UNC79: variants seen among roughly 807,000 people sequenced by gnomAD.
UNC79 encodes unc-79 subunit of NALCN channel complex.
Under a neutral mutation model 283.1 loss-of-function variants are expected in UNC79, and 37 were observed. The ratio of observed to expected loss-of-function variants is 0.13; its 90% CI spans 0.10 to 0.17. The LOEUF is 0.17. Among genes scored for constraint, UNC79 ranks in the 10% least tolerant of loss-of-function variants. UNC79 has a pLI of 1.00. For missense variants in UNC79, 2,272 were observed against 3,211.1 expected (o/e 0.71, Z 7.07); for synonymous variants, 1,107 against 1,200.2 (o/e 0.92, Z 1.61).
intron 38 of UNC79, among the ~76,000 whole-genome samples, chr14:93,658,227 A>G (rs1038945655): frequency 2.0e-5 from 3 of 152,150 alleles, no homozygotes; most frequent in South Asian, 4.1e-4. Flanking sequence ...GAAACCTTCT[A>G]TAGTTTGTTT....
intron 5 of UNC79, among the ~76,000 whole-genome samples, chr14:93,489,483 A>G (rs1437585038): frequency 1.3e-5 from 2 of 152,254 alleles, no homozygotes; most frequent in Non-Finnish European, 2.9e-5. Context: ...TGCCTCCAAT[A>G]TACAATGGTT....
chr14:93,605,816 A>G (rs2065846799), intron 26 of UNC79, among the ~76,000 whole-genome samples: 1 of 152,164 alleles, frequency 6.6e-6, no homozygotes, highest in African/African-American at 2.4e-5. Flanking sequence ...GTGGGAGGGG[A>G]GAGAGAAAAT....
intron 39 of UNC79, 48 bp from the exon 43 acceptor site, chr14:93,662,556 A>T: frequency 7.9e-7 from 1 of 1,264,262 alleles, no homozygotes; most frequent in Non-Finnish European, 1.1e-6. Context: ...CTTTTTTTGA[A>T]ATGAAGTAAT....
chr14:93,587,186 A>G (rs909955943), intron 22 of UNC79, among the ~76,000 whole-genome samples: 1 of 152,200 alleles, frequency 6.6e-6, no homozygotes, highest in Non-Finnish European at 1.5e-5. Context: ...TTAAGAATAT[A>G]GAAAATATAG....
Position 93,621,519 on chromosome 14 carries a change from G to T in UNC79, c.4388-102G>T, listed in dbSNP as rs2067132404. On this transcript the variant is annotated intron_variant, in intron 29 of 48. Transcript: ENST00000555664. The surrounding 1 kb of genome is among the most constrained non-coding windows in gnomAD (Gnocchi z 4.8). Reference sequence around the variant, plus strand: ...TTCGTTTTCCCTCCTGGTGGAGCTGGGATTGTGATGATGATTTATGCCAAT... The same window carrying T: ...TTCGTTTTCCCTCCTGGTGGAGCTGTGATTGTGATGATGATTTATGCCAAT... 3.8e-6 allele frequency: 5 copies of T among 1,333,194 alleles called. No individual in the cohort carries two copies. Among genetic ancestry groups the T allele is most frequent in the Admixed American group, 2.7e-5 (1 of 36,638 alleles). The allele number at this position is 1,333,194 out of a possible 1,614,324, so 82.6% of individuals were successfully genotyped here.
At chr14:93,593,258 G>T (rs902003491) in intron 22 of UNC79, among the ~76,000 whole-genome samples, 13 of 152,132 alleles carry the variant, frequency 8.5e-5, no homozygotes, top group African/African-American at 3.1e-4. Context: ...GTTATTAAGA[G>T]AAAAAGAGTT....
chr14:93,684,191 A>G (rs1055369248), intron 42 of UNC79, among the ~76,000 whole-genome samples: 2 of 151,980 alleles, frequency 1.3e-5, no homozygotes, highest in Non-Finnish European at 2.9e-5. Context: ...TTTGACTAAT[A>G]CCTCCCCATT....
At chr14:93,493,257 G>A (rs1040775577) in intron 5 of UNC79, among the ~76,000 whole-genome samples, 7 of 152,096 alleles carry the variant, frequency 4.6e-5, no homozygotes, top group Non-Finnish European at 7.4e-5. Flanking sequence ...TGAGACTGAA[G>A]GATCAGTGTA....
intron 1 of UNC79, among the ~76,000 whole-genome samples, chr14:93,353,783 T>C (rs1245818174): frequency 1.3e-5 from 2 of 152,222 alleles, no homozygotes; most frequent in East Asian, 3.9e-4. Context: ...CACTGTACAC[T>C]GTGCTAGGAA....
chr14:93,503,309 G>A (rs1012346656), intron 7 of UNC79, among the ~76,000 whole-genome samples: 2 of 151,982 alleles, frequency 1.3e-5, no homozygotes, highest in Non-Finnish European at 2.9e-5. Flanking sequence ...TATTATTAGT[G>A]GACTTTTGGA....
At chr14:93,556,205 T>C (rs556916456) in intron 14 of UNC79, among the ~76,000 whole-genome samples, 16 of 152,190 alleles carry the variant, frequency 1.1e-4, no homozygotes, top group Non-Finnish European at 1.8e-4. Context: ...TCAACTAGTC[T>C]GCTCTGTAAT....
intron 30 of UNC79, among the ~76,000 whole-genome samples, chr14:93,627,097 A>G (rs747359848): frequency 2.6e-5 from 4 of 152,034 alleles, no homozygotes; most frequent in Non-Finnish European, 5.9e-5. Flanking sequence ...CATTCCTACT[A>G]TTTCACCCAA....
intron 23 of UNC79, among the ~76,000 whole-genome samples, chr14:93,594,089 G>A (rs1285293199): frequency 6.6e-6 from 1 of 152,162 alleles, no homozygotes; most frequent in Non-Finnish European, 1.5e-5. Flanking sequence ...TTACCCAAGT[G>A]TAGCGATTAA....
At chr14:93,456,868 G>A (rs1015672789) in intron 1 of UNC79, among the ~76,000 whole-genome samples, 2 of 152,130 alleles carry the variant, frequency 1.3e-5, no homozygotes, top group African/African-American at 4.8e-5. Context: ...CTCTGGAATG[G>A]GTATTCTTTG....
chr14:93,415,594 G>C (rs2055435456), intron 1 of UNC79, among the ~76,000 whole-genome samples: 1 of 152,030 alleles, frequency 6.6e-6, no homozygotes, highest in East Asian at 1.9e-4. Context: ...CAGAAGGAAT[G>C]GTAACAGTTC....
At chr14:93,461,562 A>T (rs2056964413) in intron 1 of UNC79, among the ~76,000 whole-genome samples, 1 of 152,126 alleles carries the variant, frequency 6.6e-6, no homozygotes, top group Non-Finnish European at 1.5e-5. Flanking sequence ...TTTTATAGAC[A>T]AAGTTGAACT....
chr14:93,417,794 T>C (rs1391586541), intron 1 of UNC79, among the ~76,000 whole-genome samples: 1 of 151,992 alleles, frequency 6.6e-6, no homozygotes, highest in African/African-American at 2.4e-5. Flanking sequence ...ACTGATACCC[T>C]TTCTTCCAGT....
chr14:93,348,394 G>C (rs766915501), intron 1 of UNC79: 21 of 352,578 alleles, frequency 6.0e-5, no homozygotes, highest in Non-Finnish European at 1.1e-4. Flanking sequence ...CGTGAAAGCT[G>C]ATGAAAATTT....
At position 93,483,404 on chromosome 14, in the gene UNC79, A is replaced by G. The variant is rs1410618711; in HGVS notation, c.620-4259A>G. Among the ~76,000 whole-genome samples, 5 of 152,072 alleles carry G rather than the reference A, an allele frequency of 3.3e-5. No homozygotes were observed. In the South Asian group the frequency reaches 1.0e-3, roughly 32 times the overall value. ...GTGTTCAGTGAGACTGAGGAATGGAATTTTTAATATTATTTAATTTTAATT... is the reference window on the plus strand; with the variant it reads ...GTGTTCAGTGAGACTGAGGAATGGAGTTTTTAATATTATTTAATTTTAATT... On this transcript the variant is annotated intron_variant, in intron 4 of 48. Transcript: ENST00000555664.
Sources: gnomAD v4.1 joint callset for allele counts (sites outside exome capture counted in the v4.1 genomes callset) on GRCh38, gnomAD v4.1.1 for gene constraint, Gnocchi (gnomAD v3.1) non-coding constraint, MANE v1.5 for transcripts, NCBI Gene and HGNC (gene_info 2026-07-23, HGNC 2026-07-21) for gene names.